Variants in VEGFA observed in about 807,000 individuals in gnomAD.
The protein encoded by VEGFA is vascular endothelial growth factor A, long form.
In VEGFA, 20 loss-of-function variants were observed where a neutral mutation model predicts 49.7. The ratio of observed to expected loss-of-function variants is 0.40; its 90% CI spans 0.28 to 0.58. The LOEUF (loss-of-function observed/expected upper bound fraction) is 0.58, where lower values mean the gene tolerates loss of function less well. Among genes scored for constraint, VEGFA ranks in the 20% least tolerant of loss-of-function variants. VEGFA has a pLI of 0.40. For synonymous variants in VEGFA, 219 were observed against 223.4 expected, an observed-to-expected ratio of 0.98 and a Z score of 0.18; for missense variants, 505 against 553.5, an observed-to-expected ratio of 0.91 and a Z score of 0.88.
Position 43,773,075 on chromosome 6 carries a change from G to T in VEGFA, c.607-1266G>T. The stretch of plus-strand genomic sequence containing the variant: ...TGGGAATGGGTGAGGGGGCTGAGGT[G>T]CAGAATCCAGGGGGTCCCTGCAGGA... On this transcript the variant is annotated intron_variant, in intron 1 of 7. Transcript: ENST00000672860. This position sits in a 1 kb window ranked among gnomAD's most constrained non-coding sequence, Gnocchi z 5.6. 6.5e-6 allele frequency: 1 copy of T among 153,296 alleles called. No homozygotes were observed. The allele number at this position is 153,296 out of a possible 1,614,324, so 9.5% of individuals were successfully genotyped here. A position where few individuals can be genotyped will look rare whatever the true frequency, so the allele number is the denominator to read the frequency against.
Position 43,777,806 on chromosome 6 carries a change from G to A in VEGFA, c.855+141G>A, listed in dbSNP as rs79686755. 155 of 879,494 alleles carry A rather than the reference G, an allele frequency of 1.8e-4. 3 individuals are homozygous for A. The East Asian group carries it at 3.4e-3, about 19-fold the overall frequency. 54.5% of individuals were successfully genotyped at this position (879,494 alleles called of 1,614,324 possible). ...GAGTTGCACAGGGGAGGTATGGTGGGGTCTTGCCTTCTGTGGAGAAGATGC... is the reference window on the plus strand; with the variant it reads ...GAGTTGCACAGGGGAGGTATGGTGGAGTCTTGCCTTCTGTGGAGAAGATGC... On this transcript the variant is annotated intron_variant, in intron 3 of 7. Transcript: ENST00000672860. This position sits in a 1 kb window ranked among gnomAD's most constrained non-coding sequence, Gnocchi z 4.3.
rs1410660594 is a variant in VEGFA at position 43,777,283 on chromosome 6, C to G, written c.659-186C>G. ...TCTCTGGAATGAAAACAGGCCTTCACCAGTGTTGATGGTGGAAAGCTTAGG... is the reference window on the plus strand; with the variant it reads ...TCTCTGGAATGAAAACAGGCCTTCAGCAGTGTTGATGGTGGAAAGCTTAGG... On this transcript the variant is annotated intron_variant, in intron 2 of 7. Coordinates refer to ENST00000672860, the MANE Select transcript of VEGFA (RefSeq NM_003376.6). This position sits in a 1 kb window ranked among gnomAD's most constrained non-coding sequence, Gnocchi z 4.3. The G allele has an allele frequency of 5.8e-6, 4 of 689,694 alleles. No individual in the cohort carries two copies. Among genetic ancestry groups the G allele is most frequent in the Non-Finnish European group, 7.8e-6 (3 of 384,910 alleles). The allele number at this position is 689,694 out of a possible 1,614,324, so 42.7% of individuals were successfully genotyped here. A position where few individuals can be genotyped will look rare whatever the true frequency, so the allele number is the denominator to read the frequency against.
chr6:43,771,091 A>G lies in VEGFA; in HGVS notation c.385A>G (p.Ser129Gly). 1.4e-6 allele frequency: 2 copies of G among 1,480,800 alleles called. No individual in the cohort carries two copies. The highest frequency in any genetic ancestry group is 1.8e-6 in the Non-Finnish European group (2 of 1,118,432). The allele number at this position is 1,480,800 out of a possible 1,614,324, so 91.7% of individuals were successfully genotyped here. A position where few individuals can be genotyped will look rare whatever the true frequency, so the allele number is the denominator to read the frequency against. ...GGGTGAGGCGGCGGTGTGCGCAGAC[A>G]GTGCTCCAGCCGCGCGCGCTCCCCA... Residue 129 changes from serine to glycine, a missense_variant, in exon 1 of 8, where the codon AGT (serine) becomes GGT (glycine). Ser to Gly is a moderately conservative substitution (Grantham distance 56). Transcript: ENST00000672860.
Position 43,770,475 on chromosome 6 carries a change from G to T in VEGFA, c.-232G>T. 1 of 911,924 alleles carries T rather than the reference G, an allele frequency of 1.1e-6. No homozygotes were observed. Among genetic ancestry groups the T allele is most frequent in the Non-Finnish European group, 1.5e-6 (1 of 684,924 alleles). The allele number at this position is 911,924 out of a possible 1,614,324, so 56.5% of individuals were successfully genotyped here. A position where few individuals can be genotyped will look rare whatever the true frequency, so the allele number is the denominator to read the frequency against. On this transcript the variant is annotated 5_prime_UTR_variant, in exon 1 of 8. Transcript: ENST00000672860. ...TTGAATCGGGCCGACGGCTTGGGGA[G>T]ATTGCTCTACTTCCCCAAATCACTG...
At chr6:43,781,933 T>C (rs1166992150) in intron 6 of VEGFA, 23 bp from the exon 7 acceptor site, 1 of 1,613,342 alleles carries the variant, frequency 6.2e-7, no homozygotes, top group Non-Finnish European at 8.5e-7. Context: ...AGCTTAGATG[T>C]CTTTCCTTTT....
chr6:43,775,002 G>A lies in VEGFA; in HGVS notation c.658+610G>A, dbSNP rs538889319. ...CCCGAGTCCGCCTGCCTTTTGTTCCGTTGTGGTTTGGATCCTCCCATTTCT... is the reference window on the plus strand; with the variant it reads ...CCCGAGTCCGCCTGCCTTTTGTTCCATTGTGGTTTGGATCCTCCCATTTCT... On this transcript the variant is annotated intron_variant, in intron 2 of 7. Coordinates refer to ENST00000672860, the MANE Select transcript of VEGFA (RefSeq NM_003376.6). 4.9e-4 allele frequency: 82 copies of A among 166,086 alleles called. 1 individual carries two copies. In the South Asian group the frequency reaches 9.5e-3, roughly 19 times the overall value. 10.3% of individuals were successfully genotyped at this position (166,086 alleles called of 1,614,324 possible).
chr6:43,778,276 G>T (rs1355233468), intron 3 of VEGFA, 184 bp from the exon 4 acceptor site: 1 of 675,216 alleles, frequency 1.5e-6, no homozygotes, highest in South Asian at 1.6e-5. Flanking sequence ...GGCCAGCAGG[G>T]TTGGGGGAGT....
intron 2 of VEGFA, chr6:43,776,001 G>C (rs1007107854): frequency 1.3e-5 from 2 of 152,006 alleles, no homozygotes; most frequent in African/African-American, 4.8e-5. Flanking sequence ...GCTCAGCTGT[G>C]GTCTCTGGGG....
Position 43,784,896 on chromosome 6 carries a change from A to G in VEGFA, c.*334A>G, listed in dbSNP as rs1333377740. On this transcript the variant is annotated 3_prime_UTR_variant, in exon 8 of 8. Coordinates refer to ENST00000672860, the MANE Select transcript of VEGFA (RefSeq NM_003376.6). Reference sequence around the variant, plus strand: ...AGTTTTATTTCTGGGATTCCTGTAGACACACCCACCCACATACATACATTT... The same window carrying G: ...AGTTTTATTTCTGGGATTCCTGTAGGCACACCCACCCACATACATACATTT... 1.0e-5 allele frequency: 5 copies of G among 487,544 alleles called. No homozygotes were observed. Among genetic ancestry groups the G allele is most frequent in the African/African-American group, 1.9e-5 (1 of 51,522 alleles). 30.2% of individuals were successfully genotyped at this position (487,544 alleles called of 1,614,324 possible). A position where few individuals can be genotyped will look rare whatever the true frequency, so the allele number is the denominator to read the frequency against.
At chr6:43,779,980 G>A (rs1000308091) in intron 5 of VEGFA, 16 of 242,540 alleles carry the variant, frequency 6.6e-5, no homozygotes, top group Non-Finnish European at 3.5e-5. Flanking sequence ...GTGAGATGGT[G>A]TAGCAGGCTT....
At position 43,777,970 on chromosome 6, in the gene VEGFA, C is replaced by G; in HGVS notation, c.855+305C>G. 1 of 485,936 alleles carries G rather than the reference C, an allele frequency of 2.1e-6. No individual in the cohort carries two copies. The highest frequency in any genetic ancestry group is 3.7e-6 in the Non-Finnish European group (1 of 268,248). The allele number at this position is 485,936 out of a possible 1,614,324, so 30.1% of individuals were successfully genotyped here. ...TCTCTTGGAGAGAGTCCTGAGTGCC[C>G]CCCCTTCTTGGGGGCTTTGTTTGGG... On this transcript the variant is annotated intron_variant, in intron 3 of 7. Coordinates refer to ENST00000672860, the MANE Select transcript of VEGFA (RefSeq NM_003376.6). This position sits in a 1 kb window ranked among gnomAD's most constrained non-coding sequence, Gnocchi z 4.3.
At chr6:43,772,113 C>A in intron 1 of VEGFA, 1 of 979,494 alleles carries the variant, frequency 1.0e-6, no homozygotes, top group Non-Finnish European at 1.2e-6. Flanking sequence ...TAGCCCCAGC[C>A]CGGGGATCCA....
In VEGFA at chr6:43,771,321, T is replaced by C. The variant is rs1385017361; in HGVS notation, c.606+9T>C. Reference sequence around the variant, plus strand: ...ACCTCCACCATGCCAAGGTAAGCGGTCGTGCCCTGCTGGCGCCGCGGGCCG... The same window carrying C: ...ACCTCCACCATGCCAAGGTAAGCGGCCGTGCCCTGCTGGCGCCGCGGGCCG... On this transcript the variant is annotated intron_variant, in intron 1 of 7. Transcript: ENST00000672860. 2 of 1,596,524 alleles carry C rather than the reference T, an allele frequency of 1.3e-6. No individual in the cohort carries two copies. The highest frequency in any genetic ancestry group is 8.5e-7 in the Non-Finnish European group (1 of 1,173,498).
At chr6:43,771,715 G>A (rs1763636212) in intron 1 of VEGFA, among the ~76,000 whole-genome samples, 1 of 152,196 alleles carries the variant, frequency 6.6e-6, no homozygotes, top group South Asian at 2.1e-4. Flanking sequence ...CCAGTGGGCA[G>A]GGGGTGCTCG....
intron 5 of VEGFA, 170 bp from the exon 6 acceptor site, chr6:43,780,562 T>G (rs768344801): frequency 2.9e-5 from 25 of 861,398 alleles, no homozygotes; most frequent in Non-Finnish European, 4.2e-5. Flanking sequence ...CACGCCTGTG[T>G]GCGCCCGCGC....
At chr6:43,775,109 T>A (rs1213351074) in intron 2 of VEGFA, 2 of 153,178 alleles carry the variant, frequency 1.3e-5, no homozygotes, top group African/African-American at 4.8e-5. Flanking sequence ...GGGGTCTTCC[T>A]TCCCGCGAGT....
intron 1 of VEGFA, 86 bp downstream of exon 1, chr6:43,771,398 G>A (rs926570454): frequency 8.0e-6 from 11 of 1,372,466 alleles, no homozygotes; most frequent in Non-Finnish European, 9.8e-6. Context: ...GCGCGTGGGG[G>A]CTCCGTGCCC....
In VEGFA at chr6:43,770,712, G is replaced by GGACA. The variant is rs756155710; in HGVS notation, c.19_22dup (p.Thr8ArgfsTer78). 26 of 1,550,758 alleles carry GGACA rather than the reference G, an allele frequency of 1.7e-5. No homozygotes were observed. The East Asian group carries it at 5.9e-4, about 35-fold the overall frequency. On this transcript the variant is annotated frameshift_variant, in exon 1 of 8. Coordinates refer to ENST00000672860, the MANE Select transcript of VEGFA (RefSeq NM_003376.6). LOFTEE classifies it high-confidence loss of function. ...CCCGCAGCTGACCAGTCGCGCTGAC[G>GGACA]GACAGACAGACAGACACCGCCCCCA...
rs1468780918 is a variant in VEGFA, at chr6:43,770,718, A to G, written c.12A>G (p.Arg4=). The change falls in exon 1 of 8, where the codon AGA becomes AGG. Residue 4 remains arginine, a synonymous_variant. Coordinates refer to ENST00000672860, the MANE Select transcript of VEGFA (RefSeq NM_003376.6). Reference sequence around the variant, plus strand: ...GCTGACCAGTCGCGCTGACGGACAGACAGACAGACACCGCCCCCAGCCCCA... The same window carrying G: ...GCTGACCAGTCGCGCTGACGGACAGGCAGACAGACACCGCCCCCAGCCCCA... The G allele has an allele frequency of 6.5e-7, 1 of 1,544,440 alleles. No homozygotes were observed. The highest frequency in any genetic ancestry group is 1.2e-5 in the South Asian group (1 of 83,944).
Sources: allele counts gnomAD v4.1 joint callset (sites outside exome capture counted in the v4.1 genomes callset), GRCh38; gene constraint gnomAD v4.1.1; non-coding constraint Gnocchi (gnomAD v3.1); transcripts MANE v1.5; gene names NCBI Gene and HGNC (gene_info 2026-07-23, HGNC 2026-07-21).